The following ARFGEF1 variants were observed in gnomAD, a reference collection of about 807,000 sequenced individuals.
ARFGEF1 encodes ARF guanine nucleotide exchange factor 1.
Under a neutral mutation model 231.0 loss-of-function variants are expected in ARFGEF1, and 42 were observed. The ratio of observed to expected loss-of-function variants is 0.18; its 90% CI spans 0.14 to 0.24. The LOEUF is 0.24. Among genes scored for constraint, ARFGEF1 ranks in the 10% least tolerant of loss-of-function variants. The probability of loss-of-function intolerance (pLI) is 1.00; values close to 1 mark genes in which losing one functional copy is unlikely to be tolerated. For synonymous variants in ARFGEF1, 710 were observed against 732.3 expected (o/e 0.97, Z 0.49); for missense variants, 1,345 against 2,192.0 (o/e 0.61, Z 7.72).
intron 14 of ARFGEF1, among the ~76,000 whole-genome samples, chr8:67,262,846 T>C (rs1441440299): frequency 1.3e-5 from 2 of 152,200 alleles, no homozygotes; most frequent in East Asian, 1.9e-4. Context: ...AAGGGGGTTA[T>C]AGGTTAATAG....
chr8:67,275,880 G>T, intron 9 of ARFGEF1, 96 bp downstream of exon 9: 1 of 1,486,540 alleles, frequency 6.7e-7, no homozygotes, highest in Non-Finnish European at 9.1e-7. Context: ...TGGTTCTATA[G>T]GACAAAAAGA....
At chr8:67,177,817 AT>A in intron 5 of ARFGEF1, 1 of 889,014 alleles carries the variant, frequency 1.1e-6, no homozygotes, top group Non-Finnish European at 1.9e-6. Flanking sequence ...ATTTTGAATT[AT>A]TCAGGAATAT....
At chr8:67,187,861 G>A (rs192730582) in intron 5 of ARFGEF1, among the ~76,000 whole-genome samples, 1 of 152,110 alleles carries the variant, frequency 6.6e-6, no homozygotes, top group Non-Finnish European at 1.5e-5. Flanking sequence ...TAGATCTTAC[G>A]CCCTTCACAA....
intron 1 of ARFGEF1, 71 bp downstream of exon 1, chr8:67,343,093 A>AGGGCCCCCCCCCCCCCCC: frequency 5.4e-6 from 1 of 184,674 alleles, no homozygotes; most frequent in Non-Finnish European, 1.0e-5. Flanking sequence ...GGGCGACCCC[A>AGGGCCCCCCCCCCCCCCC]CCCCCCCACA....
At chr8:67,193,852 T>G (rs1344994846), downstream of ARFGEF1, among the ~76,000 whole-genome samples, 115 of 152,246 alleles carry the variant, frequency 7.6e-4, no homozygotes, top group Non-Finnish European at 2.9e-4. Context: ...TTTTGCTTAT[T>G]AAACATATCC....
intron 1 of ARFGEF1, among the ~76,000 whole-genome samples, chr8:67,310,146 C>T (rs1422508506): frequency 6.6e-6 from 1 of 152,142 alleles, no homozygotes; most frequent in African/African-American, 2.4e-5. Flanking sequence ...CACGGTCTCC[C>T]TCTCATGCGG....
intron 18 of ARFGEF1, 146 bp downstream of exon 18, chr8:67,253,305 G>C (rs913675816): frequency 2.1e-5 from 10 of 486,544 alleles, no homozygotes; most frequent in Non-Finnish European, 3.4e-5. Context: ...CGAACTCCTG[G>C]GTTCAAGTGA....
At chr8:67,284,521 T>A (rs1341766186) in intron 7 of ARFGEF1, among the ~76,000 whole-genome samples, 1 of 152,198 alleles carries the variant, frequency 6.6e-6, no homozygotes, top group African/African-American at 2.4e-5. Flanking sequence ...GTACTCTCAC[T>A]CATCTTTAGT....
chr8:67,234,837 T>C (rs1349847887), intron 22 of ARFGEF1, among the ~76,000 whole-genome samples: 1 of 152,010 alleles, frequency 6.6e-6, no homozygotes, highest in African/African-American at 2.4e-5. Flanking sequence ...ACTGCTATAA[T>C]ACAAGTGAAC....
chr8:67,193,796 A>G (rs1837100577), downstream of ARFGEF1, among the ~76,000 whole-genome samples: 1 of 152,248 alleles, frequency 6.6e-6, no homozygotes, highest in Admixed American at 6.5e-5. Flanking sequence ...TTTCTCTATC[A>G]GAGAGGGTGC....
At chr8:67,225,944 C>T in intron 28 of ARFGEF1, 79 bp downstream of exon 28, 10 of 1,362,096 alleles carry the variant, frequency 7.3e-6, no homozygotes, top group South Asian at 5.0e-5. Context: ...CTTCATATAC[C>T]CTCAATTCCC....
chr8:67,212,751 G>A (rs1314930735), intron 33 of ARFGEF1, among the ~76,000 whole-genome samples: 1 of 152,168 alleles, frequency 6.6e-6, no homozygotes, highest in African/African-American at 2.4e-5. Context: ...ACGTTAGCTT[G>A]GACTTAAGTG....
chr8:67,289,365 G>T (rs1419713426), intron 6 of ARFGEF1, among the ~76,000 whole-genome samples: 1 of 151,822 alleles, frequency 6.6e-6, no homozygotes, highest in African/African-American at 2.4e-5. Context: ...ACCAGCCTGG[G>T]CAACACAGTG....
At chr8:67,336,057 G>T (rs1808334343) in intron 1 of ARFGEF1, among the ~76,000 whole-genome samples, 1 of 152,194 alleles carries the variant, frequency 6.6e-6, no homozygotes, top group African/African-American at 2.4e-5. Context: ...CCATTTTAAA[G>T]ATTTTCAAAG....
At chr8:67,334,524 A>G (rs1808255074) in intron 1 of ARFGEF1, among the ~76,000 whole-genome samples, 1 of 152,226 alleles carries the variant, frequency 6.6e-6, no homozygotes, top group Non-Finnish European at 1.5e-5. Context: ...GCAGTTTCTT[A>G]AAAAGTTAAA....
chr8:67,296,753 T>C (rs566782394), intron 4 of ARFGEF1, 143 bp from the exon 5 acceptor site: 177 of 607,004 alleles, frequency 2.9e-4, no homozygotes, highest in Middle Eastern at 1.4e-3. Context: ...TGGACTTAAG[T>C]GATCCTCTCG....
rs1360422334 is a variant in ARFGEF1 at position 67,253,631 on chromosome 8, G to A, written c.2527-9C>T. ...GTCATTTTATTTTTCACCTAGATAT[G>A]AAAAACCATTATAATTCCTAAAAAT... On this transcript the variant is annotated splice_polypyrimidine_tract_variant and intron_variant, in intron 17 of 38. Coordinates refer to ENST00000262215, the MANE Select transcript of ARFGEF1 (RefSeq NM_006421.5). The A allele has an allele frequency of 1.4e-6, 2 of 1,381,512 alleles. No homozygotes were observed. Among genetic ancestry groups the A allele is most frequent in the Non-Finnish European group, 1.9e-6 (2 of 1,027,760 alleles). 85.6% of individuals were successfully genotyped at this position (1,381,512 alleles called of 1,614,324 possible). A position where few individuals can be genotyped will look rare whatever the true frequency, so the allele number is the denominator to read the frequency against.
At chr8:67,305,400 T>A (rs1806692585) in intron 1 of ARFGEF1, among the ~76,000 whole-genome samples, 1 of 151,918 alleles carries the variant, frequency 6.6e-6, no homozygotes, top group African/African-American at 2.4e-5. Flanking sequence ...CTCTAGTTGT[T>A]TTTGTTTGTT....
chr8:67,219,120 C>T (rs1839060237), intron 30 of ARFGEF1, among the ~76,000 whole-genome samples: 1 of 152,126 alleles, frequency 6.6e-6, no homozygotes, highest in African/African-American at 2.4e-5. Flanking sequence ...GTACCTGCCA[C>T]CACACCCGGA....
Sources: gnomAD v4.1 joint callset for allele counts (sites outside exome capture counted in the v4.1 genomes callset) on GRCh38, gnomAD v4.1.1 for gene constraint, MANE v1.5 for transcripts, NCBI Gene and HGNC (gene_info 2026-07-23, HGNC 2026-07-21) for gene names.